The following PDE7A variants were observed in gnomAD, a reference collection of about 807,000 sequenced individuals.
PDE7A encodes high affinity 3',5'-cyclic-AMP phosphodiesterase 7A.
Under a neutral mutation model 64.3 loss-of-function variants are expected in PDE7A, and 39 were observed. That is an observed-to-expected ratio of 0.61 (90% CI 0.47 to 0.79). The LOEUF (loss-of-function observed/expected upper bound fraction) is 0.79. Ranked by LOEUF, PDE7A falls within the 30% of genes least tolerant of loss-of-function variation. The pLI is 0.00. For missense variants in PDE7A, 470 were observed against 582.8 expected, an observed-to-expected ratio of 0.81 and a Z score of 1.99; for synonymous variants, 203 against 206.8, an observed-to-expected ratio of 0.98 and a Z score of 0.16.
intron 1 of PDE7A, among the ~76,000 whole-genome samples, chr8:65,802,689 G>A (rs938125686): frequency 1.3e-5 from 2 of 152,182 alleles, no homozygotes; most frequent in Admixed American, 6.5e-5. Flanking sequence ...TCTCTCGCAA[G>A]TCCAAATAAA....
chr8:65,830,472 T>G (rs1428286958), intron 1 of PDE7A, among the ~76,000 whole-genome samples: 1 of 152,058 alleles, frequency 6.6e-6, no homozygotes, highest in Non-Finnish European at 1.5e-5. Context: ...GTGAGGTTTC[T>G]CAACACTTTC....
At chr8:65,740,460 G>A (rs1462262242) in intron 5 of PDE7A, among the ~76,000 whole-genome samples, 1 of 151,980 alleles carries the variant, frequency 6.6e-6, no homozygotes, top group Admixed American at 6.6e-5. Context: ...GAGTACAATG[G>A]TGCGATCTTG....
At position 65,841,559 on chromosome 8, in the gene PDE7A, G is replaced by A. The variant is rs776614678; in HGVS notation, c.-51C>T. ...CGGCGCCCGCCCTGCCGCGGCCGCC[G>A]GCCCCTGCAGTGGGAGGGGGCCGCG... On this transcript the variant is annotated 5_prime_UTR_variant, in exon 1 of 13. Coordinates refer to ENST00000401827, the MANE Select transcript of PDE7A (RefSeq NM_001242318.3). 1.4e-5 allele frequency: 18 copies of A among 1,263,136 alleles called. No individual in the cohort carries two copies. In the East Asian group the frequency reaches 3.7e-4, roughly 26 times the overall value. 78.2% of individuals were successfully genotyped at this position (1,263,136 alleles called of 1,614,324 possible). A position where few individuals can be genotyped will look rare whatever the true frequency, so the allele number is the denominator to read the frequency against.
chr8:65,729,990 C>T (rs1806785090), intron 7 of PDE7A, among the ~76,000 whole-genome samples: 1 of 151,778 alleles, frequency 6.6e-6, no homozygotes, highest in African/African-American at 2.4e-5. Context: ...AATCCCCAGG[C>T]CATGGACCGG....
intron 1 of PDE7A, among the ~76,000 whole-genome samples, chr8:65,835,935 CATTAAT>C (rs1382945517): frequency 3.9e-5 from 6 of 152,308 alleles, no homozygotes; most frequent in African/African-American, 1.4e-4. Flanking sequence ...TATGGATTTA[CATTAAT>C]ATTATGTTTG....
chr8:65,766,632 T>G (rs979003472), intron 3 of PDE7A, among the ~76,000 whole-genome samples: 1 of 152,216 alleles, frequency 6.6e-6, no homozygotes, highest in Non-Finnish European at 1.5e-5. Flanking sequence ...CTCTCTCCCA[T>G]GCATCACCCT....
chr8:65,760,275 G>A (rs2128913837), intron 3 of PDE7A, among the ~76,000 whole-genome samples: 1 of 152,244 alleles, frequency 6.6e-6, no homozygotes, highest in South Asian at 2.1e-4. Flanking sequence ...ATCTTTTCAT[G>A]CCAATAAATA....
At chr8:65,762,429 G>A (rs1028638820) in intron 3 of PDE7A, among the ~76,000 whole-genome samples, 2 of 152,146 alleles carry the variant, frequency 1.3e-5, no homozygotes, top group Non-Finnish European at 2.9e-5. Context: ...GACATGGAGA[G>A]GCAGAGCAGC....
At chr8:65,744,256 A>C (rs1007108888) in intron 5 of PDE7A, among the ~76,000 whole-genome samples, 1 of 152,228 alleles carries the variant, frequency 6.6e-6, no homozygotes, top group Non-Finnish European at 1.5e-5. Context: ...AACAGGCATG[A>C]AGGAACTTTT....
intron 1 of PDE7A, among the ~76,000 whole-genome samples, chr8:65,837,822 G>A (rs186173629): frequency 3.9e-4 from 60 of 152,262 alleles, no homozygotes; most frequent in Admixed American, 9.2e-4. Context: ...AGCAGCCCCA[G>A]AATACCTGCA....
intron 3 of PDE7A, among the ~76,000 whole-genome samples, chr8:65,754,465 G>C (rs922783063): frequency 6.6e-6 from 1 of 151,692 alleles, no homozygotes; most frequent in East Asian, 2.0e-4. Context: ...AGGCTCCCGA[G>C]TAGCTGGGAT....
rs1354650151 is a variant in PDE7A at position 65,718,893 on chromosome 8, G to A, written c.*397C>T. 1.7e-5 allele frequency: 3 copies of A among 179,264 alleles called. No individual in the cohort carries two copies. The highest frequency in any genetic ancestry group is 4.7e-5 in the African/African-American group (2 of 42,492). The allele number at this position is 179,264 out of a possible 1,614,324, so 11.1% of individuals were successfully genotyped here. On this transcript the variant is annotated 3_prime_UTR_variant, in exon 13 of 13. Coordinates refer to ENST00000401827, the MANE Select transcript of PDE7A (RefSeq NM_001242318.3). ...CCATTTTCTCAGAGAGAACTTAGTG[G>A]AAGGTACAAGATACACATTGTTGCA...
chr8:65,807,866 C>G (rs1282636383), intron 1 of PDE7A, among the ~76,000 whole-genome samples: 1 of 152,136 alleles, frequency 6.6e-6, no homozygotes, highest in Non-Finnish European at 1.5e-5. Flanking sequence ...GATGATGATT[C>G]TGAGCTGCTG....
At chr8:65,816,382 A>G (rs980921329) in intron 1 of PDE7A, among the ~76,000 whole-genome samples, 22 of 152,248 alleles carry the variant, frequency 1.4e-4, no homozygotes, top group South Asian at 2.1e-4. Context: ...TTTTTAAAGA[A>G]GAGATGAGAA....
intron 4 of PDE7A, among the ~76,000 whole-genome samples, chr8:65,746,485 A>G (rs889978733): frequency 6.6e-6 from 1 of 152,178 alleles, no homozygotes; most frequent in Admixed American, 6.5e-5. Context: ...TACTACATTA[A>G]CTTTTAGGAT....
chr8:65,732,624 T>C (rs77252177), intron 7 of PDE7A, among the ~76,000 whole-genome samples: 9,913 of 152,110 alleles, frequency 0.065, 350 homozygotes, highest in Non-Finnish European at 0.079. Flanking sequence ...AGTGATCCTT[T>C]TGAGTCAGCC....
intron 1 of PDE7A, among the ~76,000 whole-genome samples, chr8:65,786,627 A>G (rs1039359283): frequency 6.6e-6 from 1 of 152,216 alleles, no homozygotes; most frequent in Non-Finnish European, 1.5e-5. Flanking sequence ...TTTAAAAACC[A>G]TATACTACTA....
chr8:65,745,284 A>G (rs1807623429), intron 5 of PDE7A, 123 bp downstream of exon 5: 2 of 691,196 alleles, frequency 2.9e-6, no homozygotes, highest in East Asian at 5.4e-5. Flanking sequence ...GGACTAATAC[A>G]CTCTCTTCCA....
intron 3 of PDE7A, among the ~76,000 whole-genome samples, chr8:65,760,371 A>C (rs1245278078): frequency 1.3e-5 from 2 of 152,354 alleles, no homozygotes; most frequent in East Asian, 3.9e-4. Context: ...AACTGTTTCA[A>C]ACTTTTATTT....
Sources: allele counts gnomAD v4.1 joint callset (sites outside exome capture counted in the v4.1 genomes callset), GRCh38; gene constraint gnomAD v4.1.1; transcripts MANE v1.5; gene names NCBI Gene and HGNC (gene_info 2026-07-23, HGNC 2026-07-21).